Variants in KCNMA1 observed in about 807,000 individuals in gnomAD.
KCNMA1 encodes Calcium-activated potassium channel subunit alpha-1.
A neutral mutation model predicts 140.0 loss-of-function variants in KCNMA1; 29 were observed. That is an observed-to-expected ratio of 0.21 (90% confidence interval 0.15 to 0.28). The LOEUF is 0.28. KCNMA1 is among the 10% of genes least tolerant of loss of function. The pLI is 1.00. For missense variants in KCNMA1, 880 were observed against 1,602.2 expected (o/e 0.55, Z 7.70); for synonymous variants, 612 against 611.9 (o/e 1.00, Z 0.00).
intron 1 of KCNMA1, among the ~76,000 whole-genome samples, chr10:77,533,769 T>C (rs1186420270): frequency 6.6e-6 from 1 of 152,198 alleles, no homozygotes; most frequent in East Asian, 1.9e-4. Flanking sequence ...CTGTTGCTCA[T>C]TGGTAACTCA....
In KCNMA1 at chr10:76,952,055, G is replaced by A. The variant is rs1489738951; in HGVS notation, c.2484+1746C>T. 5.2e-6 allele frequency: 8 copies of A among 1,552,036 alleles called. 1 individual carries two copies. The Admixed American group carries it at 1.6e-4, about 30-fold the overall frequency. ...AACTCACCTCCTTAAACTTTTTTAT[G>A]CTGGCAGGAGATGTTGATTGAATAT... On this transcript the variant is annotated intron_variant, in intron 21 of 27. Coordinates refer to ENST00000286628, the MANE Select transcript of KCNMA1 (RefSeq NM_001161352.2).
intron 2 of KCNMA1, among the ~76,000 whole-genome samples, chr10:77,342,305 C>T (rs1030567415): frequency 3.3e-5 from 5 of 152,210 alleles, no homozygotes; most frequent in Admixed American, 6.5e-5. Flanking sequence ...CAGGCACATG[C>T]AAGGGCTTTG....
intron 2 of KCNMA1, among the ~76,000 whole-genome samples, chr10:77,303,788 T>G (rs1394748891): frequency 6.6e-6 from 1 of 152,202 alleles, no homozygotes; most frequent in Admixed American, 6.5e-5. Context: ...AGCCCATGGA[T>G]TCTTGCTTCA....
chr10:77,320,655 G>C (rs574389932), intron 2 of KCNMA1, among the ~76,000 whole-genome samples: 1 of 152,092 alleles, frequency 6.6e-6, no homozygotes, highest in African/African-American at 2.4e-5. Flanking sequence ...CTTCCTCGTT[G>C]TTACCTGCCA....
At chr10:77,102,401 A>G (rs2097121057) in intron 9 of KCNMA1, among the ~76,000 whole-genome samples, 1 of 152,208 alleles carries the variant, frequency 6.6e-6, no homozygotes, top group Non-Finnish European at 1.5e-5. Flanking sequence ...GGAAGGAACA[A>G]AGGTTCTGAG....
chr10:77,007,651 G>GTATATATATATATATATA (rs1419890065), intron 18 of KCNMA1, among the ~76,000 whole-genome samples: 4 of 8,398 alleles, frequency 4.8e-4, no homozygotes, highest in Non-Finnish European at 9.2e-4. Context: ...TATTGTGTGT[G>GTATATATATATATATATA]TGTATATATA....
intron 13 of KCNMA1, among the ~76,000 whole-genome samples, chr10:77,076,914 A>G (rs1007562431): frequency 2.6e-5 from 4 of 152,156 alleles, no homozygotes; most frequent in Admixed American, 6.5e-5. Context: ...GAAATCAGCT[A>G]TCTCTTGGAA....
intron 23 of KCNMA1, among the ~76,000 whole-genome samples, chr10:76,920,276 T>G (rs1489490381): frequency 3.3e-5 from 5 of 151,632 alleles, no homozygotes; most frequent in Non-Finnish European, 5.9e-5. Context: ...GGGGGAAGGC[T>G]GAACTAGAAC....
chr10:77,568,655 T>C (rs1201338112), intron 1 of KCNMA1, among the ~76,000 whole-genome samples: 1 of 149,482 alleles, frequency 6.7e-6, no homozygotes, highest in Admixed American at 6.7e-5. Context: ...ACTGGAAGCA[T>C]TCCCTTTGAA....
At chr10:77,112,504 C>T in intron 6 of KCNMA1, 62 bp from the exon 7 acceptor site, 1 of 1,290,844 alleles carries the variant, frequency 7.7e-7, no homozygotes. Context: ...CTGGGGCTGC[C>T]TTACAGGGTA....
intron 3 of KCNMA1, chr10:77,250,233 T>G (rs1272477919): frequency 1.3e-5 from 2 of 152,182 alleles, no homozygotes. Flanking sequence ...CAAAGTCTAG[T>G]AGCCAACCAT....
At chr10:77,410,322 G>C (rs1334524627) in intron 1 of KCNMA1, among the ~76,000 whole-genome samples, 1 of 152,142 alleles carries the variant, frequency 6.6e-6, no homozygotes, top group Non-Finnish European at 1.5e-5. Flanking sequence ...CTGTCAAGCT[G>C]AACCAGGCAC....
At chr10:77,228,244 C>T (rs745870896) in intron 3 of KCNMA1, among the ~76,000 whole-genome samples, 2 of 152,162 alleles carry the variant, frequency 1.3e-5, no homozygotes, top group African/African-American at 2.4e-5. Flanking sequence ...GGATTACAGG[C>T]GTGAGCCACC....
At chr10:77,376,355 G>A (rs375425366) in intron 2 of KCNMA1, 10 of 152,110 alleles carry the variant, frequency 6.6e-5, no homozygotes, top group African/African-American at 2.2e-4. Context: ...GGGGAGAGGG[G>A]GAGATAACAA....
At chr10:77,090,329 C>T in intron 10 of KCNMA1, 71 bp downstream of exon 10, 3 of 1,042,126 alleles carry the variant, frequency 2.9e-6, no homozygotes, top group Non-Finnish European at 4.6e-6. Context: ...TCCACTCTTA[C>T]AGACATTCAG....
At chr10:77,156,874 C>T (rs894769968) in intron 5 of KCNMA1, among the ~76,000 whole-genome samples, 7 of 152,154 alleles carry the variant, frequency 4.6e-5, no homozygotes, top group South Asian at 4.1e-4. Flanking sequence ...GTTTTCCATA[C>T]GCTTGTGGTT....
At chr10:77,336,202 G>A (rs1486533964) in intron 2 of KCNMA1, among the ~76,000 whole-genome samples, 1 of 152,124 alleles carries the variant, frequency 6.6e-6, no homozygotes, top group Non-Finnish European at 1.5e-5. Flanking sequence ...TATTGACTAC[G>A]AGACTTGTTT....
intron 19 of KCNMA1, among the ~76,000 whole-genome samples, chr10:76,972,059 C>A (rs982984108): frequency 6.6e-6 from 1 of 151,888 alleles, no homozygotes; most frequent in Admixed American, 6.6e-5. Flanking sequence ...ACTAACTAGA[C>A]GTATAAGACA....
intron 1 of KCNMA1, among the ~76,000 whole-genome samples, chr10:77,538,089 T>C (rs2059335399): frequency 6.6e-6 from 1 of 150,690 alleles, no homozygotes; most frequent in Non-Finnish European, 1.5e-5. Context: ...CCACATACTC[T>C]CACATTCACA....
Sources: allele counts gnomAD v4.1 joint callset (sites outside exome capture counted in the v4.1 genomes callset), GRCh38; gene constraint gnomAD v4.1.1; transcripts MANE v1.5; gene names NCBI Gene and HGNC (gene_info 2026-07-23, HGNC 2026-07-21).